IRAG1: variants seen among roughly 807,000 people sequenced by gnomAD.
IRAG1 encodes IP3R-associated cGMP kinase substrate.
A neutral mutation model predicts 106.2 loss-of-function variants in IRAG1; 62 were observed. That is an observed-to-expected ratio of 0.58 (90% CI 0.48 to 0.72). IRAG1 has a LOEUF of 0.72. Among genes scored for constraint, IRAG1 ranks in the 30% least tolerant of loss-of-function variants. The pLI, the probability that IRAG1 is intolerant of heterozygous loss-of-function variation, is 0.00. For missense variants in IRAG1, 1,064 were observed against 1,140.7 expected (o/e 0.93, Z 0.97); for synonymous variants, 462 against 443.9 (o/e 1.04, Z -0.51).
chr11:10,620,461 G>A (rs1461967629), intron 10 of IRAG1, among the ~76,000 whole-genome samples: 2 of 151,992 alleles, frequency 1.3e-5, no homozygotes, highest in Non-Finnish European at 2.9e-5. Flanking sequence ...ACAAATCAAC[G>A]AAAAACCCCA....
At position 10,657,431 on chromosome 11, in the gene IRAG1, G is replaced by C. The variant is rs1859008618; in HGVS notation, c.68-5249C>G. Among the ~76,000 whole-genome samples, 1 of 152,092 alleles carries C rather than the reference G, an allele frequency of 6.6e-6. No homozygotes were observed. The highest frequency in any genetic ancestry group is 6.5e-5 in the Admixed American group (1 of 15,270). ...TCCCAGAGCCTTGCAACCTGCCTAG[G>C]AGAGACCAAACTCCTCTCTGAAACC... On this transcript the variant is annotated intron_variant, in intron 1 of 20. Transcript: ENST00000423302. The surrounding 1 kb of genome is among the most constrained non-coding windows in gnomAD (Gnocchi z 4.1).
intron 1 of IRAG1, chr11:10,658,456 C>T (rs1349089458): frequency 6.5e-6 from 1 of 152,892 alleles, no homozygotes; most frequent in Non-Finnish European, 1.5e-5. Flanking sequence ...CACTCAGTGC[C>T]CTCGCCATTC....
In IRAG1 at chr11:10,628,307, T is replaced by C. The variant is rs939168435; in HGVS notation, c.653-282A>G. Among the ~76,000 whole-genome samples, 1 of 152,200 alleles carries C rather than the reference T, an allele frequency of 6.6e-6. No homozygotes were observed. The highest frequency in any genetic ancestry group is 2.4e-5 in the African/African-American group (1 of 41,452). ...GCCTGGCCCCGACCTGAGCGTGCCC[T>C]GCCGCACTGATGAGGGCCGGTTGCC... On this transcript the variant is annotated intron_variant, in intron 6 of 20. Coordinates refer to ENST00000423302, the MANE Select transcript of IRAG1 (RefSeq NM_130385.4). The surrounding 1 kb of genome is among the most constrained non-coding windows in gnomAD (Gnocchi z 4.1).
chr11:10,605,166 G>C (rs1199112040), intron 12 of IRAG1, among the ~76,000 whole-genome samples: 1 of 152,230 alleles, frequency 6.6e-6, no homozygotes, highest in Non-Finnish European at 1.5e-5. Context: ...AACAGACTTT[G>C]AAAAGATAAT....
rs1315810839 is a variant in IRAG1, at chr11:10,575,954, A to T, written c.*378T>A. On this transcript the variant is annotated 3_prime_UTR_variant, in exon 21 of 21. Transcript: ENST00000423302. ...ACCAATTACAGAGAGGAAAAAAGAG[A>T]GTAAGTTTTTTACTGCCCCCTACCT... 1 of 219,398 alleles carries T rather than the reference A, an allele frequency of 4.6e-6. No homozygotes were observed. Among genetic ancestry groups the T allele is most frequent in the Non-Finnish European group, 9.3e-6 (1 of 107,094 alleles). 13.6% of individuals were successfully genotyped at this position (219,398 alleles called of 1,614,324 possible). A position where few individuals can be genotyped will look rare whatever the true frequency, so the allele number is the denominator to read the frequency against.
chr11:10,658,620 C>G (rs1172101883), intron 1 of IRAG1: 9 of 163,210 alleles, frequency 5.5e-5, no homozygotes, highest in Admixed American at 1.3e-4. Flanking sequence ...TTGCTGTGGA[C>G]AGTCCCAGGT....
intron 8 of IRAG1, 49 bp from the exon 9 acceptor site, chr11:10,626,632 A>C: frequency 6.5e-7 from 1 of 1,535,842 alleles, no homozygotes. Flanking sequence ...GGTTGAGGGG[A>C]AACAGGTGAG....
rs146353899 is a variant in IRAG1 at position 10,628,890 on chromosome 11, G to A, written c.575-62C>T. 14 of 1,480,546 alleles carry A rather than the reference G, an allele frequency of 9.5e-6. No homozygotes were observed. Among genetic ancestry groups the A allele is most frequent in the Non-Finnish European group, 1.3e-5 (14 of 1,090,540 alleles). The allele number at this position is 1,480,546 out of a possible 1,614,324, so 91.7% of individuals were successfully genotyped here. ...AGGTTTAGGACTTCAACCTGGCAAA[G>A]GCATCCTTTTAGGTATTCCCAGGCC... On this transcript the variant is annotated intron_variant, in intron 5 of 20. Coordinates refer to ENST00000423302, the MANE Select transcript of IRAG1 (RefSeq NM_130385.4). The surrounding 1 kb of genome is among the most constrained non-coding windows in gnomAD (Gnocchi z 4.1).
At position 10,576,683 on chromosome 11, in the gene IRAG1, G is replaced by C. The variant is rs543471919; in HGVS notation, c.2496-108C>G. 8.0e-5 allele frequency: 112 copies of C among 1,398,152 alleles called. No individual in the cohort carries two copies. The South Asian group carries it at 1.2e-3, about 16-fold the overall frequency. The allele number at this position is 1,398,152 out of a possible 1,614,324, so 86.6% of individuals were successfully genotyped here. ...AGCTTCCATGCTGTCTTGAGCAATA[G>C]TTCTCAAACTTAGCTGTGCCTAGAT... On this transcript the variant is annotated intron_variant, in intron 20 of 20. Transcript: ENST00000423302.
chr11:10,600,936 G>A lies in IRAG1; in HGVS notation c.1999C>T (p.Arg667Cys), dbSNP rs766837084. ...TCCTTACCAGAGGGGCCACAGCTGCGGCTTGAATTCTGATTTGCAAGCTTT... is the reference window on the plus strand; with the variant it reads ...TCCTTACCAGAGGGGCCACAGCTGCAGCTTGAATTCTGATTTGCAAGCTTT... Reference protein sequence around the residue: ...FKKLANQNSSRSCGPSEDGVP... With the variant: ...FKKLANQNSSCSCGPSEDGVP... Residue 667 changes from arginine (R) to cysteine (C), a missense_variant, in exon 15 of 21, where the codon CGC (arginine) becomes TGC (cysteine). By Grantham distance (180) the Arg-to-Cys change is radical. Coordinates refer to ENST00000423302, the MANE Select transcript of IRAG1 (RefSeq NM_130385.4). 108 of 1,614,042 alleles carry A rather than the reference G, an allele frequency of 6.7e-5. No homozygotes were observed. Among genetic ancestry groups the A allele is most frequent in the Non-Finnish European group, 7.9e-5 (93 of 1,179,896 alleles).
In IRAG1 at chr11:10,647,515, T is replaced by C. The variant is rs1031312554; in HGVS notation, c.225+4510A>G. ...GTGATATGAAGAGGTGAAGTCTGCT[T>C]ATGAGTTCACACTGACCTGCCCCTG... is the stretch of plus-strand genomic sequence containing the variant. On this transcript the variant is annotated intron_variant, in intron 2 of 20. Transcript: ENST00000423302. The surrounding 1 kb of genome is among the most constrained non-coding windows in gnomAD (Gnocchi z 4.3). Among the ~76,000 whole-genome samples the C allele has an allele frequency of 5.3e-5, 8 of 152,258 alleles. No individual in the cohort carries two copies. Among genetic ancestry groups the C allele is most frequent in the African/African-American group, 1.7e-4 (7 of 41,560 alleles).
intron 1 of IRAG1, among the ~76,000 whole-genome samples, chr11:10,679,210 A>G (rs539386279): frequency 4.5e-4 from 68 of 152,332 alleles, no homozygotes; most frequent in African/African-American, 1.6e-3. Context: ...TTCTCTATCC[A>G]TCAGAAGCAT....
In IRAG1 at chr11:10,581,902, G is replaced by A. The variant is rs1851431031; in HGVS notation, c.2325C>T (p.Thr775=). The change falls in exon 19 of 21, where the codon ACC becomes ACT. Residue 775 remains threonine (T), a synonymous_variant. Coordinates refer to ENST00000423302, the MANE Select transcript of IRAG1 (RefSeq NM_130385.4). The stretch of plus-strand genomic sequence containing the variant: ...AGGCTTCTTCCTCCATCCTGGCCTT[G>A]GTCTCCTGACTAAGCTCCTCCAGGC... ...LSCLEELSQE[T]KARMEEEAYS... is the part of the protein sequence containing the mutation. 2 of 1,613,726 alleles carry A rather than the reference G, an allele frequency of 1.2e-6. No individual in the cohort carries two copies.
intron 1 of IRAG1, among the ~76,000 whole-genome samples, chr11:10,683,361 CAA>C (rs563286344): frequency 2.1e-4 from 19 of 92,470 alleles, no homozygotes; most frequent in Admixed American, 5.8e-4. Context: ...AGGTTTGTGC[CAA>C]AAAAAAAAAA....
In IRAG1 at chr11:10,693,743, G is replaced by A. The variant is rs920382380; in HGVS notation, c.-141C>T. The A allele has an allele frequency of 4.4e-5, 43 of 980,212 alleles. No homozygotes were observed. Among genetic ancestry groups the A allele is most frequent in the South Asian group, 4.4e-4 (27 of 62,042 alleles). The allele number at this position is 980,212 out of a possible 1,614,324, so 60.7% of individuals were successfully genotyped here. On this transcript the variant is annotated 5_prime_UTR_variant, in exon 1 of 21. Transcript: ENST00000423302. ...TGGGAGCCCCACTCCGGCCTGGCTC[G>A]GGGGATAATGGCAGGGAAAGCCGAC...
intron 2 of IRAG1, among the ~76,000 whole-genome samples, chr11:10,640,435 A>G (rs995483100): frequency 6.6e-6 from 1 of 152,306 alleles, no homozygotes; most frequent in South Asian, 2.1e-4. Flanking sequence ...AAAATACACA[A>G]CTCATAAAAT....
intron 1 of IRAG1, among the ~76,000 whole-genome samples, chr11:10,674,322 T>C (rs897265900): frequency 2.0e-5 from 3 of 152,166 alleles, no homozygotes; most frequent in African/African-American, 4.8e-5. Flanking sequence ...GGGAGCGCCA[T>C]TCCTCATCTG....
At chr11:10,604,254 C>T (rs1854290526) in intron 13 of IRAG1, 151 bp downstream of exon 13, 3 of 1,031,458 alleles carry the variant, frequency 2.9e-6, no homozygotes, top group Non-Finnish European at 4.2e-6. Flanking sequence ...CCTCAGTTCC[C>T]CCCAACTCTC....
chr11:10,681,929 C>T (rs950872179), intron 1 of IRAG1, among the ~76,000 whole-genome samples: 37 of 152,154 alleles, frequency 2.4e-4, no homozygotes, highest in African/African-American at 8.4e-4. Context: ...TCTTATTGTC[C>T]CAGCTCTACT....
Sources: gnomAD v4.1 joint callset for allele counts (sites outside exome capture counted in the v4.1 genomes callset) on GRCh38, gnomAD v4.1.1 for gene constraint, Gnocchi (gnomAD v3.1) non-coding constraint, MANE v1.5 for transcripts, NCBI Gene and HGNC (gene_info 2026-07-23, HGNC 2026-07-21) for gene names.